ZNF737: variants seen among roughly 807,000 people sequenced by gnomAD.
ZNF737 encodes the protein zinc finger protein 737, also known as zinc finger protein 102 (Y3).
A neutral mutation model predicts 11.7 loss-of-function variants in ZNF737; 13 were observed. The observed-to-expected ratio is 1.11, with a 90% CI of 0.73 to 1.77. The LOEUF is 1.77. Ranked by LOEUF, ZNF737 falls within the 40% of genes most tolerant of loss-of-function variation. The pLI is 0.00. For missense variants in ZNF737, 636 were observed against 638.0 expected, an observed-to-expected ratio of 1.00 and a Z score of 0.03; for synonymous variants, 217 against 216.2, an observed-to-expected ratio of 1.00 and a Z score of -0.03.
chr19:20,538,233 C>T lies in ZNF737; in HGVS notation c.*6359G>A, dbSNP rs1483581366. The T allele has an allele frequency of 6.2e-6, 1 of 160,404 alleles. No homozygotes were observed. The highest frequency in any genetic ancestry group is 1.3e-5 in the Non-Finnish European group (1 of 75,552). 9.9% of individuals were successfully genotyped at this position (160,404 alleles called of 1,614,324 possible). ...TTAAAAAATCAATGTACTTTATGTT[C>T]TTAGCTCCCACAATTTAGCCTAAAT... is the stretch of plus-strand genomic sequence containing the variant. On this transcript the variant is annotated 3_prime_UTR_variant, in exon 4 of 4. Coordinates refer to ENST00000427401, the MANE Select transcript of ZNF737 (RefSeq NM_001159293.2).
chr19:20,536,058 C>T (rs192056723), downstream of ZNF737: 2,203 of 983,156 alleles, frequency 2.2e-3, 5 homozygotes, highest in Non-Finnish European at 2.5e-3. Flanking sequence ...ACCTTTTATC[C>T]GCTTCACTTC....
rs782297410 is a variant in ZNF737, at chr19:20,544,667, T to A, written c.1536A>T (p.Glu512Asp). Residue 512 changes from glutamate to aspartate, a missense_variant, in exon 4 of 4, where the codon GAA (glutamate) becomes GAT (aspartate). Transcript: ENST00000427401. ...GGCACTTAAAGCCTTTGCCACATTCTTCACATTTGTAGGGTTTCTCTCCAG... is the reference window on the plus strand; with the variant it reads ...GGCACTTAAAGCCTTTGCCACATTCATCACATTTGTAGGGTTTCTCTCCAG... ...IHTGEKPYKC[E>D]ECGKGFKCPS... is the part of the protein sequence containing the mutation. 298 of 1,606,956 alleles carry A rather than the reference T, an allele frequency of 1.9e-4. No individual in the cohort carries two copies. The highest frequency in any genetic ancestry group is 2.4e-4 in the Non-Finnish European group (278 of 1,177,552).
intron 1 of ZNF737, among the ~76,000 whole-genome samples, chr19:20,556,243 C>G (rs910092898): frequency 5.9e-5 from 9 of 152,134 alleles, no homozygotes; most frequent in Admixed American, 2.0e-4. Context: ...AGCCTTCATA[C>G]CTGATTCTGG....
chr19:20,565,005 G>C (rs1555763450), intron 1 of ZNF737, among the ~76,000 whole-genome samples: 1 of 147,986 alleles, frequency 6.8e-6, no homozygotes, highest in Non-Finnish European at 1.5e-5. Flanking sequence ...CAAGATCTCA[G>C]CTCACTGCAA....
chr19:20,537,967 T>C, downstream of ZNF737: 2 of 750,162 alleles, frequency 2.7e-6, no homozygotes, highest in Non-Finnish European at 3.3e-6. Flanking sequence ...CATAATCTTT[T>C]AGTAAAAGCT....
chr19:20,546,068 T>A, intron 3 of ZNF737, 92 bp from the exon 4 acceptor site: 1 of 1,401,862 alleles, frequency 7.1e-7, no homozygotes, highest in Admixed American at 2.9e-5. Context: ...ACAAACTACA[T>A]AAGCAAGATG....
At chr19:20,552,739 T>C (rs555166509) in intron 2 of ZNF737, among the ~76,000 whole-genome samples, 169 bp from the exon 3 acceptor site, 1 of 151,974 alleles carries the variant, frequency 6.6e-6, no homozygotes, top group East Asian at 1.9e-4. Flanking sequence ...ATTTGCCAGG[T>C]GCAGTTACTC....
At chr19:20,535,854 T>TAA (rs35597979), downstream of ZNF737, 1,229 of 141,842 alleles carry the variant, frequency 8.7e-3, 10 homozygotes, top group African/African-American at 0.025. Flanking sequence ...ATGTAAAGTG[T>TAA]AAAAAAAAAA....
At chr19:20,553,003 C>T (rs1197743237) in intron 2 of ZNF737, among the ~76,000 whole-genome samples, 12 of 146,402 alleles carry the variant, frequency 8.2e-5, no homozygotes, top group African/African-American at 3.0e-4. Flanking sequence ...CAGAGTGAGA[C>T]TCTGTCCCCG....
intron 1 of ZNF737, among the ~76,000 whole-genome samples, chr19:20,560,279 G>A (rs1178337079): frequency 9.2e-5 from 14 of 152,030 alleles, no homozygotes; most frequent in African/African-American, 3.4e-4. Flanking sequence ...AGCCAGGGAG[G>A]TTGAGGCTAA....
At chr19:20,534,133 T>C (rs78893254), downstream of ZNF737, among the ~76,000 whole-genome samples, 11,656 of 150,008 alleles carry the variant, frequency 0.078, 1,110 homozygotes, top group Middle Eastern at 0.15. Context: ...CTAAGCTGAG[T>C]TAATTGATTC....
Position 20,538,866 on chromosome 19 carries a change from C to T in ZNF737, c.*5726G>A, listed in dbSNP as rs549855535. ...GCATCTGTTACCCATTAATTTTATA[C>T]ATTTGCTTTTTTGAAAAACAAATCT... On this transcript the variant is annotated 3_prime_UTR_variant, in exon 4 of 4. Transcript: ENST00000427401. 5.1e-6 allele frequency: 5 copies of T among 985,218 alleles called. No individual in the cohort carries two copies. Among genetic ancestry groups the T allele is most frequent in the East Asian group, 1.1e-4 (1 of 8,820 alleles). The allele number at this position is 985,218 out of a possible 1,614,324, so 61.0% of individuals were successfully genotyped here.
chr19:20,564,571 G>C (rs1303805764), intron 1 of ZNF737, among the ~76,000 whole-genome samples: 1 of 151,590 alleles, frequency 6.6e-6, no homozygotes, highest in Non-Finnish European at 1.5e-5. Context: ...AAGAATGCTT[G>C]AACCTGAGAG....
rs1968257634 is a variant in ZNF737, at chr19:20,542,588, A to G, written c.*2004T>C. On this transcript the variant is annotated 3_prime_UTR_variant, in exon 4 of 4. Transcript: ENST00000427401. The stretch of plus-strand genomic sequence containing the variant: ...ACATAAAAGTACAAGTAGTAAAGTA[A>G]TATACTCATTTATTTTAATATACTT... 1.0e-6 allele frequency: 1 copy of G among 974,976 alleles called. No individual in the cohort carries two copies. The highest frequency in any genetic ancestry group is 1.8e-5 in the African/African-American group (1 of 56,916). The allele number at this position is 974,976 out of a possible 1,614,324, so 60.4% of individuals were successfully genotyped here. A position where few individuals can be genotyped will look rare whatever the true frequency, so the allele number is the denominator to read the frequency against.
chr19:20,537,509 C>CTTTTTTTTTT (rs1172290847), downstream of ZNF737, among the ~76,000 whole-genome samples: 2 of 58,480 alleles, frequency 3.4e-5, no homozygotes, highest in African/African-American at 1.7e-4. Flanking sequence ...GCCTGGTTTT[C>CTTTTTTTTTT]TATTTTTTTT....
At chr19:20,550,500 T>C (rs1334860361) in intron 3 of ZNF737, among the ~76,000 whole-genome samples, 1 of 152,140 alleles carries the variant, frequency 6.6e-6, no homozygotes, top group Non-Finnish European at 1.5e-5. Flanking sequence ...AGTAAAAATA[T>C]ATAGGGAGAG....
chr19:20,557,342 A>G (rs556289546), intron 1 of ZNF737, among the ~76,000 whole-genome samples: 1 of 152,300 alleles, frequency 6.6e-6, no homozygotes, highest in African/African-American at 2.4e-5. Flanking sequence ...AAGCAAGACT[A>G]CAAGATAGGG....
At chr19:20,537,175 T>C (rs1482543711), downstream of ZNF737, among the ~76,000 whole-genome samples, 2 of 151,540 alleles carry the variant, frequency 1.3e-5, no homozygotes, top group African/African-American at 4.9e-5. Context: ...ACACTGTTAT[T>C]TGGCTTAAGG....
intron 3 of ZNF737, among the ~76,000 whole-genome samples, chr19:20,547,738 A>C (rs1392147173): frequency 5.3e-5 from 8 of 152,190 alleles, no homozygotes; most frequent in Admixed American, 4.6e-4. Context: ...GACAAGATCA[A>C]CTTACACCCA....
Sources: gnomAD v4.1 joint callset for allele counts (sites outside exome capture counted in the v4.1 genomes callset) on GRCh38, gnomAD v4.1.1 for gene constraint, MANE v1.5 for transcripts, NCBI Gene and HGNC (gene_info 2026-07-23, HGNC 2026-07-21) for gene names.